PCCA: variants seen among roughly 807,000 people sequenced by gnomAD.
PCCA encodes propionyl-CoA carboxylase alpha chain, mitochondrial.
A neutral mutation model predicts 101.3 loss-of-function variants in PCCA; 74 were observed. That is an observed-to-expected ratio of 0.73 (90% CI 0.61 to 0.89). The LOEUF (loss-of-function observed/expected upper bound fraction) is 0.89, where lower values mean the gene tolerates loss of function less well. PCCA is among the 40% of genes least tolerant of loss of function. The pLI, the probability that PCCA is intolerant of heterozygous loss-of-function variation, is 0.00. For missense variants in PCCA, 891 were observed against 907.0 expected (o/e 0.98, Z 0.23); for synonymous variants, 294 against 313.6 (o/e 0.94, Z 0.66).
At chr13:100,315,672 T>A (rs1029093567) in intron 16 of PCCA, among the ~76,000 whole-genome samples, 2 of 152,166 alleles carry the variant, frequency 1.3e-5, no homozygotes, top group Non-Finnish European at 2.9e-5. Context: ...AGCTGATGTC[T>A]GGGCAGTGTT....
chr13:100,290,469 C>T (rs988612321), intron 12 of PCCA, among the ~76,000 whole-genome samples: 2 of 152,164 alleles, frequency 1.3e-5, no homozygotes, highest in African/African-American at 2.4e-5. Context: ...AGCTTGGCCT[C>T]CCAAAGTGCT....
chr13:100,304,204 T>A (rs1263925790), intron 14 of PCCA, among the ~76,000 whole-genome samples: 1 of 152,250 alleles, frequency 6.6e-6, no homozygotes, highest in Non-Finnish European at 1.5e-5. Flanking sequence ...GAGTTTTATG[T>A]AATAACATTT....
At chr13:100,370,828 T>G in intron 19 of PCCA, among the ~76,000 whole-genome samples, 1 of 152,136 alleles carries the variant, frequency 6.6e-6, no homozygotes, top group South Asian at 2.1e-4. Flanking sequence ...GAACTGTGAT[T>G]GTTAACTTAG....
At chr13:100,309,290 G>T (rs1008910999) in intron 15 of PCCA, among the ~76,000 whole-genome samples, 3 of 152,178 alleles carry the variant, frequency 2.0e-5, no homozygotes, top group Non-Finnish European at 4.4e-5. Context: ...CCAGCTTCTC[G>T]AGAGGCTGAG....
intron 22 of PCCA, 34 bp from the exon 23 acceptor site, chr13:100,527,641 G>T (rs770558322): frequency 1.2e-5 from 17 of 1,468,426 alleles, no homozygotes; most frequent in Non-Finnish European, 5.7e-6. Flanking sequence ...AAATTAGAAT[G>T]CTTTTAAAAC....
At chr13:100,390,600 T>C (rs535498949) in intron 19 of PCCA, among the ~76,000 whole-genome samples, 8 of 152,256 alleles carry the variant, frequency 5.3e-5, no homozygotes, top group Middle Eastern at 3.4e-3. Flanking sequence ...AAGAGGAGCA[T>C]TGAAAGAGAC....
intron 17 of PCCA, among the ~76,000 whole-genome samples, chr13:100,330,897 G>T (rs2069456340): frequency 6.6e-6 from 1 of 152,102 alleles, no homozygotes. Flanking sequence ...CATGTGAATT[G>T]TTCTATGAGT....
intron 21 of PCCA, among the ~76,000 whole-genome samples, chr13:100,503,029 G>A (rs569167932): frequency 2.8e-4 from 43 of 152,248 alleles, no homozygotes; most frequent in African/African-American, 9.6e-4. Context: ...AGGCTGGATC[G>A]TGGGTAAGAG....
At chr13:100,107,116 A>G (rs2047874394) in intron 2 of PCCA, among the ~76,000 whole-genome samples, 1 of 152,220 alleles carries the variant, frequency 6.6e-6, no homozygotes, top group Admixed American at 6.5e-5. Context: ...TATTTGTTAA[A>G]TAAATTGATT....
At position 100,298,638 on chromosome 13, in the gene PCCA, CCCT is replaced by C. The variant is rs1566890418; in HGVS notation, c.1066-2819_1066-2817del. On this transcript the variant is annotated intron_variant, in intron 12 of 23. Transcript: ENST00000376285. ...CCCTCCCTCCCTCCCTCCCCTCCCT[CCCT>C]CCCTCCCTCCCTCCCTCCCTCCCTC... 6.1e-3 allele frequency among the ~76,000 whole-genome samples: 4 copies of C among 658 alleles called. 2 individuals carry two copies. The highest frequency in any genetic ancestry group is 9.4e-3 in the Non-Finnish European group (4 of 426). 0.4% of individuals were successfully genotyped at this position (658 alleles called of 152,430 possible). A position where few individuals can be genotyped will look rare whatever the true frequency, so the allele number is the denominator to read the frequency against.
intron 19 of PCCA, among the ~76,000 whole-genome samples, chr13:100,425,196 T>C (rs902304200): frequency 3.9e-5 from 6 of 152,234 alleles, no homozygotes; most frequent in Non-Finnish European, 8.8e-5. Flanking sequence ...TTCTGTTTAA[T>C]TAAGATAACA....
chr13:100,529,852 A>G (rs544690398), intron 23 of PCCA, among the ~76,000 whole-genome samples: 5 of 152,256 alleles, frequency 3.3e-5, no homozygotes, highest in South Asian at 4.1e-4. Flanking sequence ...CAGGCCAGCC[A>G]CTGTGAGGGT....
At chr13:100,471,795 G>T (rs180787303) in intron 21 of PCCA, among the ~76,000 whole-genome samples, 1 of 152,320 alleles carries the variant, frequency 6.6e-6, no homozygotes, top group Admixed American at 6.5e-5. Context: ...TGAGCTTTCC[G>T]TAAGCCTGGA....
intron 19 of PCCA, among the ~76,000 whole-genome samples, chr13:100,378,824 C>G (rs1009131831): frequency 6.6e-6 from 1 of 151,824 alleles, no homozygotes; most frequent in Non-Finnish European, 1.5e-5. Flanking sequence ...TCATTTATAT[C>G]CTTAATTGTC....
intron 21 of PCCA, among the ~76,000 whole-genome samples, chr13:100,505,794 G>A (rs2086022746): frequency 6.6e-6 from 1 of 152,118 alleles, no homozygotes; most frequent in African/African-American, 2.4e-5. Flanking sequence ...TTGTGCCCAG[G>A]AGGTCGAGGC....
Position 100,474,352 on chromosome 13 carries a change from A to G in PCCA, c.1899+25047A>G, listed in dbSNP as rs2484361. On this transcript the variant is annotated intron_variant, in intron 21 of 23. Transcript: ENST00000376285. The stretch of plus-strand genomic sequence containing the variant: ...GAACGTCCTGCTTACTACACATTTT[A>G]TGTATTAGCCTTTGGAAGCAAATTC... 9.0e-3 allele frequency among the ~76,000 whole-genome samples: 1,362 copies of G among 152,098 alleles called. 19 individuals carry two copies. The highest frequency in any genetic ancestry group is 0.031 in the African/African-American group (1,290 of 41,466).
At chr13:100,302,158 C>T (rs973309337) in intron 13 of PCCA, among the ~76,000 whole-genome samples, 2 of 152,014 alleles carry the variant, frequency 1.3e-5, no homozygotes, top group African/African-American at 4.8e-5. Flanking sequence ...GGGTTTTACT[C>T]ATAAACTCTC....
chr13:100,288,334 C>T (rs1258639684), intron 12 of PCCA, among the ~76,000 whole-genome samples: 1 of 152,092 alleles, frequency 6.6e-6, no homozygotes, highest in Non-Finnish European at 1.5e-5. Context: ...TCTTACTCCA[C>T]CACCCAGGCT....
chr13:100,200,632 CTATAT>C (rs1191171803), intron 6 of PCCA, among the ~76,000 whole-genome samples: 2 of 149,936 alleles, frequency 1.3e-5, no homozygotes, highest in East Asian at 1.9e-4. Context: ...GTTATCTTAA[CTATAT>C]TATATTAATA....
Sources: allele counts gnomAD v4.1 joint callset (sites outside exome capture counted in the v4.1 genomes callset), GRCh38; gene constraint gnomAD v4.1.1; transcripts MANE v1.5; gene names NCBI Gene and HGNC (gene_info 2026-07-23, HGNC 2026-07-21).